Variants in CYRIA observed in about 807,000 individuals in gnomAD.
CYRIA encodes CYFIP related Rac1 interactor A.
A neutral mutation model predicts 43.9 loss-of-function variants in CYRIA; 15 were observed. The observed-to-expected ratio is 0.34, with a 90% CI of 0.23 to 0.53. The LOEUF (loss-of-function observed/expected upper bound fraction) is 0.53. Ranked by LOEUF, CYRIA falls within the 20% of genes least tolerant of loss-of-function variation. The pLI is 0.94. For missense variants in CYRIA, 236 were observed against 394.2 expected (o/e 0.60, Z 3.40); for synonymous variants, 117 against 136.0 (o/e 0.86, Z 0.97).
chr2:16,586,741 G>C lies in CYRIA; in HGVS notation c.70+1309C>G, dbSNP rs554915439. 2.7e-3 allele frequency among the ~76,000 whole-genome samples: 415 copies of C among 151,804 alleles called. 2 individuals are homozygous for C. The highest frequency in any genetic ancestry group is 6.2e-3 in the Admixed American group (95 of 15,232). ...GCATTTCCTTAGCAAACTTCTTTTA[G>C]AAGGTTTAATCTATATGCAAGGAAG... is the stretch of plus-strand genomic sequence containing the variant. On this transcript the variant is annotated intron_variant, in intron 3 of 11. Coordinates refer to ENST00000381323, the MANE Select transcript of CYRIA (RefSeq NM_030797.4).
intron 2 of CYRIA, among the ~76,000 whole-genome samples, chr2:16,613,009 G>A (rs1231919530): frequency 6.6e-6 from 1 of 152,206 alleles, no homozygotes. Context: ...CGTGTAAGAT[G>A]TGACTTTGCT....
intron 3 of CYRIA, among the ~76,000 whole-genome samples, chr2:16,571,960 G>GGGCC (rs1485297308): frequency 1.3e-5 from 2 of 152,190 alleles, no homozygotes; most frequent in African/African-American, 4.8e-5. Context: ...ATGTGTGACA[G>GGGCC]GGCCGGCATA....
At chr2:16,663,442 G>A (rs1327218599) in intron 1 of CYRIA, among the ~76,000 whole-genome samples, 1 of 152,130 alleles carries the variant, frequency 6.6e-6, no homozygotes, top group Non-Finnish European at 1.5e-5. Context: ...GGCAGGGAAT[G>A]GAAAAGAAGA....
chr2:16,660,847 T>C (rs1351927065), intron 1 of CYRIA, among the ~76,000 whole-genome samples: 4 of 152,220 alleles, frequency 2.6e-5, no homozygotes, highest in African/African-American at 9.6e-5. Context: ...AAGCTGGACC[T>C]GGTAAACACA....
At chr2:16,577,769 A>C (rs1054587020) in intron 3 of CYRIA, among the ~76,000 whole-genome samples, 2 of 152,264 alleles carry the variant, frequency 1.3e-5, no homozygotes, top group African/African-American at 4.8e-5. Flanking sequence ...TAACAAAAGA[A>C]GTTGAGAACA....
intron 10 of CYRIA, among the ~76,000 whole-genome samples, chr2:16,559,187 G>A (rs1666638470): frequency 6.6e-6 from 1 of 152,184 alleles, no homozygotes; most frequent in African/African-American, 2.4e-5. Context: ...GGGACTGCAT[G>A]CAACTAAGTG....
intron 3 of CYRIA, among the ~76,000 whole-genome samples, chr2:16,572,944 A>C (rs528542480): frequency 2.4e-4 from 37 of 152,186 alleles, no homozygotes; most frequent in African/African-American, 8.9e-4. Flanking sequence ...ATGTGCTTAC[A>C]TCTTATCTCC....
intron 10 of CYRIA, among the ~76,000 whole-genome samples, chr2:16,558,444 C>T (rs1270405738): frequency 6.6e-6 from 1 of 152,134 alleles, no homozygotes; most frequent in Admixed American, 6.6e-5. Flanking sequence ...CTGTTCTCTG[C>T]AGATGAGTGA....
At chr2:16,645,151 T>C (rs1425591423) in intron 1 of CYRIA, among the ~76,000 whole-genome samples, 1 of 152,214 alleles carries the variant, frequency 6.6e-6, no homozygotes, top group Non-Finnish European at 1.5e-5. Flanking sequence ...TTTTACAGTA[T>C]AAAGGTATTT....
chr2:16,611,114 C>CT (rs1483541983), intron 2 of CYRIA, among the ~76,000 whole-genome samples: 5 of 151,750 alleles, frequency 3.3e-5, no homozygotes, highest in Admixed American at 2.0e-4. Flanking sequence ...AATCCCAGCA[C>CT]TTTGGGAGGC....
chr2:16,552,953 G>A lies in CYRIA; in HGVS notation c.955C>T (p.Arg319Ter), dbSNP rs1666366377. 1.2e-6 allele frequency: 2 copies of A among 1,608,180 alleles called. No individual in the cohort carries two copies. The highest frequency in any genetic ancestry group is 1.1e-5 in the South Asian group (1 of 90,992). Residue 319 changes from arginine to a stop codon, truncating the protein, a stop_gained, in exon 12 of 12, where the codon CGA becomes TGA. Coordinates refer to ENST00000381323, the MANE Select transcript of CYRIA (RefSeq NM_030797.4). LOFTEE classifies it high-confidence loss of function. The part of the protein sequence containing the change: ...LNDESTSKQI[R>*]AMLQ ...GCAGAGCTCTACTGAAGCATTGCTC[G>A]AATCTGTTTGGAAGTTGATTCATCG...
chr2:16,622,195 A>G lies in CYRIA; in HGVS notation c.-11+1669T>C, dbSNP rs988098327. 6.6e-5 allele frequency among the ~76,000 whole-genome samples: 10 copies of G among 152,310 alleles called. No homozygotes were observed. The Middle Eastern group carries it at 0.01, about 155-fold the overall frequency. On this transcript the variant is annotated intron_variant, in intron 2 of 11. Coordinates refer to ENST00000381323, the MANE Select transcript of CYRIA (RefSeq NM_030797.4). ...TTGGATGTAGGCTAGTCTGAAGGGAAAAAGCCACCGGGAGGGAATTAGTTT... is the reference window on the plus strand; with the variant it reads ...TTGGATGTAGGCTAGTCTGAAGGGAGAAAGCCACCGGGAGGGAATTAGTTT...
chr2:16,640,031 T>G (rs1216314073), intron 1 of CYRIA, among the ~76,000 whole-genome samples: 3 of 152,156 alleles, frequency 2.0e-5, no homozygotes, highest in Non-Finnish European at 4.4e-5. Flanking sequence ...TTATCTTCTG[T>G]AACACCGGAT....
chr2:16,632,922 G>A (rs945586710), intron 1 of CYRIA, among the ~76,000 whole-genome samples: 4 of 152,270 alleles, frequency 2.6e-5, no homozygotes, highest in Middle Eastern at 3.4e-3. Flanking sequence ...AAGGGATTCT[G>A]CCTTCCCCAA....
rs1666657667 is a variant in CYRIA, at chr2:16,559,670, C to T, written c.711-84G>A. The T allele has an allele frequency of 1.0e-5, 15 of 1,470,684 alleles. No homozygotes were observed. The South Asian group carries it at 1.4e-4, about 13-fold the overall frequency. 91.1% of individuals were successfully genotyped at this position (1,470,684 alleles called of 1,614,324 possible). ...GCCCCACAACTGGATACTTTAGATG[C>T]CTCCAATCCTCTCTTGGGAACAATC... On this transcript the variant is annotated intron_variant, in intron 9 of 11. Coordinates refer to ENST00000381323, the MANE Select transcript of CYRIA (RefSeq NM_030797.4).
At chr2:16,563,167 TG>T (rs1391412763) in intron 5 of CYRIA, among the ~76,000 whole-genome samples, 1 of 152,202 alleles carries the variant, frequency 6.6e-6, no homozygotes, top group Non-Finnish European at 1.5e-5. Context: ...TTCCATTCAC[TG>T]GGTCAACCCT....
chr2:16,650,980 G>C lies in CYRIA; in HGVS notation c.-167+14800C>G, dbSNP rs181782221. Among the ~76,000 whole-genome samples, 1 of 152,040 alleles carries C rather than the reference G, an allele frequency of 6.6e-6. No individual in the cohort carries two copies. Among genetic ancestry groups the C allele is most frequent in the African/African-American group, 2.4e-5 (1 of 41,396 alleles). Reference sequence around the variant, plus strand: ...AAAAAACATTCCATTCAACGGGGGCGAGTGAGTCACCATAATCATTTATTT... The same window carrying C: ...AAAAAACATTCCATTCAACGGGGGCCAGTGAGTCACCATAATCATTTATTT... On this transcript the variant is annotated intron_variant, in intron 1 of 11. Coordinates refer to ENST00000381323, the MANE Select transcript of CYRIA (RefSeq NM_030797.4). This position sits in a 1 kb window ranked among gnomAD's most constrained non-coding sequence, Gnocchi z 4.1.
intron 10 of CYRIA, among the ~76,000 whole-genome samples, chr2:16,557,680 A>G (rs1666574813): frequency 6.6e-6 from 1 of 152,182 alleles, no homozygotes; most frequent in African/African-American, 2.4e-5. Flanking sequence ...AAACTTCATC[A>G]AGACTATGCG....
At chr2:16,639,438 TCA>T (rs754162354) in intron 1 of CYRIA, among the ~76,000 whole-genome samples, 6 of 152,260 alleles carry the variant, frequency 3.9e-5, no homozygotes, top group Non-Finnish European at 5.9e-5. Flanking sequence ...CCAGTTGATT[TCA>T]GTTTCCCTCT....
Sources: gnomAD v4.1 joint callset for allele counts (sites outside exome capture counted in the v4.1 genomes callset) on GRCh38, gnomAD v4.1.1 for gene constraint, Gnocchi (gnomAD v3.1) non-coding constraint, MANE v1.5 for transcripts, NCBI Gene and HGNC (gene_info 2026-07-23, HGNC 2026-07-21) for gene names.